The following NSMF variants were observed in gnomAD, a reference collection of about 807,000 sequenced individuals.
NSMF encodes nasal embryonic LHRH factor.
A neutral mutation model predicts 71.0 loss-of-function variants in NSMF; 31 were observed. The observed-to-expected ratio is 0.44, with a 90% confidence interval of 0.33 to 0.59. The LOEUF is 0.59. Ranked by LOEUF, NSMF falls within the 20% of genes least tolerant of loss-of-function variation. The probability of loss-of-function intolerance (pLI) is 0.04; values close to 1 mark genes in which losing one functional copy is unlikely to be tolerated. For synonymous variants in NSMF, 345 were observed against 287.1 expected, an observed-to-expected ratio of 1.20 and a Z score of -2.04; for missense variants, 673 against 740.5, an observed-to-expected ratio of 0.91 and a Z score of 1.06.
rs758972150 is a variant in NSMF, at chr9:137,452,666, G to A, written c.1131+70C>T. The A allele has an allele frequency of 7.5e-6, 12 of 1,605,644 alleles. No homozygotes were observed. The African/African-American group carries it at 1.3e-4, about 18-fold the overall frequency. On this transcript the variant is annotated intron_variant, in intron 10 of 15. Transcript: ENST00000371475. ...CGCCACAGCACCCTGGGGACCTGGG[G>A]TGCCGGCGCTGGCCCAGGGTGGGGC... is the stretch of plus-strand genomic sequence containing the variant.
In NSMF at chr9:137,453,515, G is replaced by C. The variant is rs113652574; in HGVS notation, c.922+216C>G. On this transcript the variant is annotated intron_variant, in intron 8 of 15. Coordinates refer to ENST00000371475, the MANE Select transcript of NSMF (RefSeq NM_001130969.3). This position sits in a 1 kb window ranked among gnomAD's most constrained non-coding sequence, Gnocchi z 4.5. ...CCTCTTGCGAGTGGCGGTGGGCACGGCCCTACAGGCGCCCCCGGCCAGCAC... is the reference window on the plus strand; with the variant it reads ...CCTCTTGCGAGTGGCGGTGGGCACGCCCCTACAGGCGCCCCCGGCCAGCAC... The C allele has an allele frequency of 1.7e-6, 1 of 602,214 alleles. No individual in the cohort carries two copies. The highest frequency in any genetic ancestry group is 2.9e-6 in the Non-Finnish European group (1 of 341,636). 37.3% of individuals were successfully genotyped at this position (602,214 alleles called of 1,614,324 possible).
At chr9:137,456,949 G>A (rs1380409897) in intron 3 of NSMF, among the ~76,000 whole-genome samples, 1 of 152,100 alleles carries the variant, frequency 6.6e-6, no homozygotes, top group East Asian at 1.9e-4. Context: ...ATGCCCAAGT[G>A]TGGGGACAGT....
At chr9:137,454,360 G>GC (rs1333829028) in intron 7 of NSMF, 31 bp downstream of exon 7, 27 of 1,544,204 alleles carry the variant, frequency 1.7e-5, no homozygotes, top group East Asian at 2.4e-5. Context: ...GCGCAACGCC[G>GC]CCCCCCCACC....
Position 137,457,670 on chromosome 9 carries a change from GC to G in NSMF, c.364del (p.Ala122ArgfsTer3), listed in dbSNP as rs1564268635. On this transcript the variant is annotated frameshift_variant, in exon 3 of 16. Coordinates refer to ENST00000371475, the MANE Select transcript of NSMF (RefSeq NM_001130969.3). LOFTEE classifies it high-confidence loss of function. ...PSPEAEAIEL[A>X]VVKGRRQRHP... is the part of the protein sequence containing the mutation. ...CCGCTGCCGCCGCCCCTTCACCACC[GC>G]CAGCTCAATGGCCTCCGCCTCAGGG... The G allele has an allele frequency of 6.4e-7, 1 of 1,550,496 alleles. No individual in the cohort carries two copies. The highest frequency in any genetic ancestry group is 2.4e-5 in the East Asian group (1 of 40,970).
Position 137,453,482 on chromosome 9 carries a change from C to T in NSMF, c.922+249G>A. The T allele has an allele frequency of 1.7e-6, 1 of 599,432 alleles. No homozygotes were observed. The highest frequency in any genetic ancestry group is 2.9e-6 in the Non-Finnish European group (1 of 339,284). 37.1% of individuals were successfully genotyped at this position (599,432 alleles called of 1,614,324 possible). On this transcript the variant is annotated intron_variant, in intron 8 of 15. Transcript: ENST00000371475. The surrounding 1 kb of genome is among the most constrained non-coding windows in gnomAD (Gnocchi z 4.5). Reference sequence around the variant, plus strand: ...GGGGCGGGCACCGCAGCCCCCTGCCCCTGAGGGCCTCTTGCGAGTGGCGGT... The same window carrying T: ...GGGGCGGGCACCGCAGCCCCCTGCCTCTGAGGGCCTCTTGCGAGTGGCGGT...
Position 137,458,491 on chromosome 9 carries a change from C to A in NSMF, c.130G>T (p.Ala44Ser). 6.3e-7 allele frequency: 1 copy of A among 1,587,540 alleles called. No individual in the cohort carries two copies. The highest frequency in any genetic ancestry group is 8.5e-7 in the Non-Finnish European group (1 of 1,169,794). Reference protein sequence around the residue: ...SQSHPENRNGADHLLADAYSG... With the variant: ...SQSHPENRNGSDHLLADAYSG... ...GCACGGCCTCGCGTGCCCCTACCTG[C>A]GCCGTTGCGGTTCTCAGGGTGACTC... Residue 44 changes from alanine to serine, a missense_variant, in exon 2 of 16, where the codon GCA becomes TCA. Ala to Ser is a moderately conservative substitution (Grantham distance 99). Coordinates refer to ENST00000371475, the MANE Select transcript of NSMF (RefSeq NM_001130969.3).
chr9:137,452,689 G>A, intron 10 of NSMF, 47 bp downstream of exon 10: 1 of 1,600,956 alleles, frequency 6.2e-7, no homozygotes, highest in Non-Finnish European at 8.5e-7. Flanking sequence ...CCCAGGGTGG[G>A]GCCGCAAGAG....
intron 6 of NSMF, chr9:137,454,948 G>A: frequency 1.4e-6 from 1 of 695,914 alleles, no homozygotes; most frequent in Non-Finnish European, 2.6e-6. Flanking sequence ...TCCAAAACGG[G>A]CAAAAAAGCT....
chr9:137,449,752 C>CTG, intron 14 of NSMF, 78 bp from the exon 15 acceptor site: 1 of 1,394,022 alleles, frequency 7.2e-7, no homozygotes, highest in Non-Finnish European at 1.0e-6. Context: ...GGAGCAGGGC[C>CTG]CACCCTCTTT....
Position 137,453,081 on chromosome 9 carries a change from T to G in NSMF, c.1022A>C (p.Glu341Ala), listed in dbSNP as rs766722610. 7 of 1,612,440 alleles carry G rather than the reference T, an allele frequency of 4.3e-6. No homozygotes were observed. The South Asian group carries it at 6.6e-5, about 15-fold the overall frequency. The change falls in exon 9 of 16, where the codon GAA (glutamate) becomes GCA (alanine). Residue 341 changes from glutamate (E) to alanine (A), a missense_variant. Around this residue, in one of 2 missense-constraint regions of NSMF, gnomAD observed 202 missense variants for 280.8 expected, o/e 0.72. Coordinates refer to ENST00000371475, the MANE Select transcript of NSMF (RefSeq NM_001130969.3). This position sits in a 1 kb window ranked among gnomAD's most constrained non-coding sequence, Gnocchi z 4.5. ...KGLEAVACDTEGFVPPKVMLI... is the reference protein window; with the variant it reads ...KGLEAVACDTAGFVPPKVMLI... ...CATGACCTTTGGTGGCACGAAGCCT[T>G]CGGTGTCGCAGGCCACAGCCTCCAG... is the stretch of plus-strand genomic sequence containing the variant.
Position 137,453,652 on chromosome 9 carries a change from T to A in NSMF, c.922+79A>T. 9 of 1,174,032 alleles carry A rather than the reference T, an allele frequency of 7.7e-6. No homozygotes were observed. Among genetic ancestry groups the A allele is most frequent in the Non-Finnish European group, 9.5e-6 (8 of 839,982 alleles). The allele number at this position is 1,174,032 out of a possible 1,614,324, so 72.7% of individuals were successfully genotyped here. Reference sequence around the variant, plus strand: ...GTGCAAAAGCGCAGCCCAGCGGCCCTGGCAGGGGACCCCCAGCAGGGGTCT... The same window carrying A: ...GTGCAAAAGCGCAGCCCAGCGGCCCAGGCAGGGGACCCCCAGCAGGGGTCT... On this transcript the variant is annotated intron_variant, in intron 8 of 15. Transcript: ENST00000371475. This position sits in a 1 kb window ranked among gnomAD's most constrained non-coding sequence, Gnocchi z 4.5.
intron 2 of NSMF, 109 bp downstream of exon 2, chr9:137,458,363 AGGCCGGCAGGGCGCCG>A: frequency 1.1e-6 from 1 of 874,998 alleles, no homozygotes; most frequent in Non-Finnish European, 1.8e-6. Flanking sequence ...TAAGGAAGCC[AGGCCGGCAGGGCGCCG>A]GGCCCACGCG....
chr9:137,458,380 G>C, intron 2 of NSMF, 108 bp downstream of exon 2: 2 of 1,012,280 alleles, frequency 2.0e-6, no homozygotes, highest in Non-Finnish European at 3.0e-6. Context: ...CAGGGCGCCG[G>C]GCCCACGCGC....
At chr9:137,450,388 AC>A (rs1830420821) in intron 12 of NSMF, 133 bp from the exon 13 acceptor site, 8 of 550,456 alleles carry the variant, frequency 1.5e-5, no homozygotes, top group South Asian at 7.6e-5. Flanking sequence ...GATCTCCCCC[AC>A]CACACGTCTT....
chr9:137,456,582 T>G (rs1588508290), intron 3 of NSMF, 96 bp from the exon 4 acceptor site: 2 of 693,002 alleles, frequency 2.9e-6, no homozygotes, highest in Non-Finnish European at 2.6e-6. Context: ...GGTCCAGGGG[T>G]CAGCAGAAGC....
intron 1 of NSMF, 70 bp from the exon 2 acceptor site, chr9:137,458,619 C>T: frequency 7.0e-7 from 1 of 1,420,298 alleles, no homozygotes; most frequent in Admixed American, 2.0e-5. Flanking sequence ...CGCGCAAGAG[C>T]CGGGGGTCCG....
Position 137,453,955 on chromosome 9 carries a change from A to T in NSMF, c.833-135T>A. On this transcript the variant is annotated intron_variant, in intron 7 of 15. Transcript: ENST00000371475. The surrounding 1 kb of genome is among the most constrained non-coding windows in gnomAD (Gnocchi z 4.5). ...GGGTGGGGTCTAAGGCACATGAAGC[A>T]GACACGGACCAGAGGCTCGGTTGGT... 1 of 709,180 alleles carries T rather than the reference A, an allele frequency of 1.4e-6. No individual in the cohort carries two copies. The highest frequency in any genetic ancestry group is 2.7e-5 in the East Asian group (1 of 36,794). 43.9% of individuals were successfully genotyped at this position (709,180 alleles called of 1,614,324 possible).
At position 137,457,758 on chromosome 9, in the gene NSMF, C is replaced by T. The variant is rs753078916; in HGVS notation, c.277G>A (p.Ala93Thr). 43 of 1,559,536 alleles carry T rather than the reference C, an allele frequency of 2.8e-5. No homozygotes were observed. Among genetic ancestry groups the T allele is most frequent in the Middle Eastern group, 1.7e-4 (1 of 6,016 alleles). Residue 93 changes from alanine (A) to threonine (T), a missense_variant, in exon 3 of 16, where the codon GCA (alanine) becomes ACA (threonine). This residue lies in a region of NSMF where 471 missense variants were observed against 459.6 expected (regional missense o/e 1.02). Coordinates refer to ENST00000371475, the MANE Select transcript of NSMF (RefSeq NM_001130969.3). Reference protein sequence around the residue: ...LSEEPSIRKPAGEGPQPRVYT... With the variant: ...LSEEPSIRKPTGEGPQPRVYT... The stretch of plus-strand genomic sequence containing the variant: ...ACTCGAGGCTGAGGGCCCTCGCCTG[C>T]GGGCTTCCTAATGCTGGGCTCCTCT...
At chr9:137,454,617 T>C (rs568056669) in intron 6 of NSMF, 174 bp from the exon 7 acceptor site, 6 of 1,539,214 alleles carry the variant, frequency 3.9e-6, no homozygotes, top group Non-Finnish European at 3.5e-6. Flanking sequence ...CCCAGTGCTC[T>C]TCCCGCGACA....
Sources: allele counts gnomAD v4.1 joint callset (sites outside exome capture counted in the v4.1 genomes callset), GRCh38; gene constraint gnomAD v4.1.1; regional missense constraint gnomAD v4.1.1; non-coding constraint Gnocchi (gnomAD v3.1); transcripts MANE v1.5; gene names NCBI Gene and HGNC (gene_info 2026-07-23, HGNC 2026-07-21).